Variants in IMMP1L observed in about 807,000 individuals in gnomAD.
IMMP1L encodes inner mitochondrial membrane peptidase subunit 1, also known as mitochondrial inner membrane protease subunit 1.
IMMP1L carries 24 observed loss-of-function variants against 21.8 expected under a neutral mutation model. The ratio of observed to expected loss-of-function variants is 1.10; its 90% CI spans 0.80 to 1.55. The LOEUF (loss-of-function observed/expected upper bound fraction) is 1.55. IMMP1L is among the 40% of genes most tolerant of loss of function. The probability of loss-of-function intolerance (pLI) is 0.00; values close to 1 mark genes in which losing one functional copy is unlikely to be tolerated. For synonymous variants in IMMP1L, 46 were observed against 62.8 expected (o/e 0.73, Z 1.26); for missense variants, 195 against 200.7 (o/e 0.97, Z 0.17).
intron 4 of IMMP1L, among the ~76,000 whole-genome samples, chr11:31,434,119 T>C (rs948840157): frequency 1.3e-5 from 2 of 152,160 alleles, no homozygotes; most frequent in African/African-American, 4.8e-5. Context: ...GTTCTGCCTT[T>C]GTACAGGCCA....
intron 1 of IMMP1L, among the ~76,000 whole-genome samples, chr11:31,475,874 C>T (rs527430702): frequency 9.2e-5 from 14 of 151,960 alleles, no homozygotes; most frequent in African/African-American, 2.4e-4. Flanking sequence ...ACCCCTAGAA[C>T]GGAGAAGGAA....
intron 1 of IMMP1L, 82 bp from the exon 2 acceptor site, chr11:31,463,387 T>A (rs1294885839): frequency 3.9e-6 from 5 of 1,283,116 alleles, no homozygotes; most frequent in Non-Finnish European, 5.1e-6. Context: ...TATTTTACAA[T>A]CACCCAAAAT....
intron 1 of IMMP1L, among the ~76,000 whole-genome samples, chr11:31,465,037 A>T (rs1448638404): frequency 6.6e-6 from 1 of 152,142 alleles, no homozygotes. Context: ...TATATAGAAA[A>T]ACCTAAAGAC....
At chr11:31,473,738 ACC>A (rs1215712810) in intron 1 of IMMP1L, 1 of 984,894 alleles carries the variant, frequency 1.0e-6, no homozygotes, top group Non-Finnish European at 1.2e-6. Context: ...ATTTCAGAAT[ACC>A]CAAAGTCACA....
intron 1 of IMMP1L, among the ~76,000 whole-genome samples, chr11:31,488,828 TATA>T: frequency 6.6e-6 from 1 of 152,226 alleles, no homozygotes; most frequent in South Asian, 2.1e-4. Flanking sequence ...CATAGTCAAT[TATA>T]ATAATTCTAT....
intron 4 of IMMP1L, among the ~76,000 whole-genome samples, chr11:31,441,070 G>A (rs1343825223): frequency 6.6e-6 from 1 of 151,958 alleles, no homozygotes; most frequent in African/African-American, 2.4e-5. Context: ...AAGTTGCAGG[G>A]CAATGTGTAT....
At position 31,463,172 on chromosome 11, in the gene IMMP1L, C is replaced by G. The variant is rs554694005; in HGVS notation, c.105G>C (p.Met35Ile). The G allele has an allele frequency of 1.7e-5, 27 of 1,594,956 alleles. 1 individual carries two copies. The Admixed American group carries it at 3.0e-4, about 18-fold the overall frequency. The change falls in exon 2 of 6, where the codon ATG (methionine) becomes ATC (isoleucine). Residue 35 changes from methionine (M) to isoleucine (I), a missense_variant and splice_region_variant. Coordinates refer to ENST00000532287, the MANE Select transcript of IMMP1L (RefSeq NM_001304274.2). The part of the protein sequence containing the change: ...CAFEYVGGVV[M>I]CSGPSMEPTI... ...AATATTCTTGAACATAAAAACTTAC[C>G]ATGACAACACCACCAACGTATTCAA...
chr11:31,493,556 T>A (rs1955326773), intron 1 of IMMP1L, among the ~76,000 whole-genome samples: 1 of 152,134 alleles, frequency 6.6e-6, no homozygotes, highest in African/African-American at 2.4e-5. Flanking sequence ...AAATTTCATG[T>A]CCTCACATTT....
At chr11:31,496,560 G>A (rs1955441478) in intron 1 of IMMP1L, among the ~76,000 whole-genome samples, 2 of 151,716 alleles carry the variant, frequency 1.3e-5, no homozygotes, top group Admixed American at 1.3e-4. Context: ...ATAGCCAAAG[G>A]TAGAAACAAC....
chr11:31,493,449 C>A (rs1419140126), intron 1 of IMMP1L, among the ~76,000 whole-genome samples: 1 of 151,688 alleles, frequency 6.6e-6, no homozygotes. Flanking sequence ...CCTACCAGTT[C>A]CCTTGCACAG....
At chr11:31,438,246 G>C (rs762102941) in intron 4 of IMMP1L, among the ~76,000 whole-genome samples, 1 of 151,954 alleles carries the variant, frequency 6.6e-6, no homozygotes, top group Non-Finnish European at 1.5e-5. Flanking sequence ...TAAATGTTTT[G>C]CCATTCTAGC....
intron 1 of IMMP1L, chr11:31,473,796 G>C (rs1954643675): frequency 2.0e-6 from 2 of 982,810 alleles, no homozygotes; most frequent in Non-Finnish European, 2.4e-6. Context: ...CCTTTGAAAA[G>C]AGAAAGCATT....
intron 1 of IMMP1L, among the ~76,000 whole-genome samples, chr11:31,472,435 T>C (rs1954585527): frequency 1.3e-5 from 2 of 152,264 alleles, no homozygotes; most frequent in South Asian, 4.1e-4. Flanking sequence ...CTCTAAACTC[T>C]TGGTGACCAA....
intron 1 of IMMP1L, among the ~76,000 whole-genome samples, chr11:31,493,235 T>C (rs1955316391): frequency 6.6e-6 from 1 of 152,166 alleles, no homozygotes; most frequent in African/African-American, 2.4e-5. Context: ...ACTCACAGTT[T>C]TGCAGGGCTG....
chr11:31,434,680 G>A (rs1004237336), intron 4 of IMMP1L, among the ~76,000 whole-genome samples: 12 of 151,970 alleles, frequency 7.9e-5, no homozygotes, highest in African/African-American at 2.4e-4. Context: ...TTACGTAAGC[G>A]ATTTTAAGAT....
intron 1 of IMMP1L, among the ~76,000 whole-genome samples, chr11:31,505,419 C>T (rs1955745567): frequency 6.6e-6 from 1 of 152,148 alleles, no homozygotes; most frequent in African/African-American, 2.4e-5. Flanking sequence ...AAACAAGTGC[C>T]AGATGATGAG....
rs1308063455 is a variant in IMMP1L at position 31,482,426 on chromosome 11, TAGA to T, written c.-29-19124_-29-19122del. ...TAAGAGAGTAAAAAGACAAACCTCATAGAAGAAGAAATAGTTGCAATACCCATC... is the reference window on the plus strand; with the variant it reads ...TAAGAGAGTAAAAAGACAAACCTCATAGAAGAAATAGTTGCAATACCCATC... On this transcript the variant is annotated intron_variant, in intron 1 of 5. Transcript: ENST00000532287. 3.3e-5 allele frequency among the ~76,000 whole-genome samples: 5 copies of T among 151,966 alleles called. No homozygotes were observed. In the East Asian group the frequency reaches 7.7e-4, roughly 23 times the overall value.
At chr11:31,484,938 T>C (rs1955023952) in intron 1 of IMMP1L, among the ~76,000 whole-genome samples, 1 of 151,888 alleles carries the variant, frequency 6.6e-6, no homozygotes, top group Non-Finnish European at 1.5e-5. Flanking sequence ...ACAAACCTCA[T>C]ATAAACTCAG....
rs180782155 is a variant in IMMP1L, at chr11:31,463,245, C to T, written c.32G>A (p.Arg11Gln). MLRGVLGKTF[R>Q]LVGYTIQYGC... is the part of the protein sequence containing the mutation. ...ATATTGAATAGTATAGCCAACAAGTCGAAAGGTTTTCCCCAGAACACCACG... is the reference window on the plus strand; with the variant it reads ...ATATTGAATAGTATAGCCAACAAGTTGAAAGGTTTTCCCCAGAACACCACG... The change falls in exon 2 of 6, where the codon CGA (arginine) becomes CAA (glutamine). Residue 11 changes from arginine (R) to glutamine (Q), a missense_variant. Physicochemically the swap from Arg to Gln is conservative, Grantham distance 43. Transcript: ENST00000532287. 2.3e-5 allele frequency: 37 copies of T among 1,612,556 alleles called. No individual in the cohort carries two copies. In the East Asian group the frequency reaches 3.4e-4, roughly 15 times the overall value.
Sources: gnomAD v4.1 joint callset for allele counts (sites outside exome capture counted in the v4.1 genomes callset) on GRCh38, gnomAD v4.1.1 for gene constraint, MANE v1.5 for transcripts, NCBI Gene and HGNC (gene_info 2026-07-23, HGNC 2026-07-21) for gene names.